The following GCKR variants were observed in gnomAD, a reference collection of about 807,000 sequenced individuals.
GCKR encodes glucokinase regulatory protein.
Under a neutral mutation model 82.9 loss-of-function variants are expected in GCKR, and 73 were observed. The ratio of observed to expected loss-of-function variants is 0.88; its 90% CI spans 0.73 to 1.07. The LOEUF is 1.07. GCKR is among the 50% of genes least tolerant of loss of function. GCKR has a pLI of 0.00. For missense variants in GCKR, 784 were observed against 782.1 expected (o/e 1.00, Z -0.03); for synonymous variants, 294 against 291.8 (o/e 1.01, Z -0.08).
At chr2:27,520,948 G>A (rs1670136870) in intron 17 of GCKR, among the ~76,000 whole-genome samples, 1 of 152,128 alleles carries the variant, frequency 6.6e-6, no homozygotes, top group African/African-American at 2.4e-5. Flanking sequence ...GGAGGCTGAG[G>A]CAGGAGAATA....
rs748570972 is a variant in GCKR, at chr2:27,503,623, G to A, written c.750+4G>A. 1 of 1,515,868 alleles carries A rather than the reference G, an allele frequency of 6.6e-7. No homozygotes were observed. Among genetic ancestry groups the A allele is most frequent in the Non-Finnish European group, 9.2e-7 (1 of 1,090,330 alleles). 93.9% of individuals were successfully genotyped at this position (1,515,868 alleles called of 1,614,324 possible). A position where few individuals can be genotyped will look rare whatever the true frequency, so the allele number is the denominator to read the frequency against. ...TGTGCTCAATCCTGCCATCGGGGTA[G>A]GGCCTCTCCTTTTTCTATGTTCTCC... On this transcript the variant is annotated splice_donor_region_variant and intron_variant, in intron 9 of 18. Transcript: ENST00000264717.
intron 16 of GCKR, among the ~76,000 whole-genome samples, chr2:27,509,362 C>G (rs1025811862): frequency 1.3e-5 from 2 of 152,182 alleles, no homozygotes; most frequent in Non-Finnish European, 2.9e-5. Context: ...TTTTTAAAGA[C>G]AAAGTCTCAC....
intron 5 of GCKR, 148 bp downstream of exon 5, chr2:27,498,945 C>A: frequency 1.4e-6 from 1 of 728,216 alleles, no homozygotes; most frequent in Non-Finnish European, 2.5e-6. Flanking sequence ...ACTTCACATA[C>A]TTATGTCGCC....
rs147103687 is a variant in GCKR at position 27,515,420 on chromosome 2, C to T, written c.1423-3368C>T. Among the ~76,000 whole-genome samples, 750 of 151,192 alleles carry T rather than the reference C, an allele frequency of 5.0e-3. 7 individuals are homozygous for T. The highest frequency in any genetic ancestry group is 0.017 in the African/African-American group (704 of 41,148). ...CCTCCCGAGTGACTGGGACTACAGG[C>T]GCTTGCCACCATGCCTAGCTAATTT... On this transcript the variant is annotated intron_variant, in intron 16 of 18. Coordinates refer to ENST00000264717, the MANE Select transcript of GCKR (RefSeq NM_001486.4).
intron 9 of GCKR, among the ~76,000 whole-genome samples, chr2:27,505,125 C>CAAAAAAAAAAAA (rs146563052): frequency 1.6e-4 from 4 of 25,436 alleles, no homozygotes; most frequent in East Asian, 1.4e-3. Flanking sequence ...GACTCCATCT[C>CAAAAAAAAAAAA]AAAAAAAAAA....
rs1669445789 is a variant in GCKR, at chr2:27,497,557, T to C, written c.217-5T>C. ...TGGCTTCTCATTCCTGCATATTCCC[T>C]ACAGAGACTCTACAGCGAATCCATT... is the stretch of plus-strand genomic sequence containing the variant. On this transcript the variant is annotated splice_region_variant and splice_polypyrimidine_tract_variant and intron_variant, in intron 2 of 18. Coordinates refer to ENST00000264717, the MANE Select transcript of GCKR (RefSeq NM_001486.4). 1.9e-6 allele frequency: 3 copies of C among 1,610,256 alleles called. No individual in the cohort carries two copies. Among genetic ancestry groups the C allele is most frequent in the East Asian group, 2.2e-5 (1 of 44,872 alleles).
intron 16 of GCKR, among the ~76,000 whole-genome samples, chr2:27,516,441 C>G (rs1045749561): frequency 3.3e-5 from 5 of 151,800 alleles, no homozygotes; most frequent in African/African-American, 1.2e-4. Context: ...CAGGCACGCG[C>G]CACTACACCA....
chr2:27,518,891 G>GAA lies in GCKR; in HGVS notation c.1526_1527insAA (p.Ile510ArgfsTer62). 1 of 1,613,598 alleles carries GAA rather than the reference G, an allele frequency of 6.2e-7. No individual in the cohort carries two copies. The highest frequency in any genetic ancestry group is 8.5e-7 in the Non-Finnish European group (1 of 1,179,712). On this transcript the variant is annotated frameshift_variant, in exon 17 of 19. Coordinates refer to ENST00000264717, the MANE Select transcript of GCKR (RefSeq NM_001486.4). LOFTEE classifies it high-confidence loss of function. ...CTACAAAACCACATGTTGGACCTTC[G>GAA]GATTAGCAACTCCAAGCTCTTCTGG...
At chr2:27,501,273 G>A in intron 8 of GCKR, 44 bp downstream of exon 8, 1 of 1,239,664 alleles carries the variant, frequency 8.1e-7, no homozygotes, top group Non-Finnish European at 1.2e-6. Context: ...GCAGGCTGGA[G>A]GGGAACATGT....
intron 6 of GCKR, 26 bp downstream of exon 6, chr2:27,499,234 C>T (rs1669509578): frequency 1.9e-6 from 3 of 1,540,278 alleles, no homozygotes; most frequent in Non-Finnish European, 2.7e-6. Flanking sequence ...TGACATTGAC[C>T]AGAGACCTCT....
chr2:27,498,182 C>A, intron 3 of GCKR, 73 bp from the exon 4 acceptor site: 1 of 1,168,506 alleles, frequency 8.6e-7, no homozygotes, highest in Non-Finnish European at 1.3e-6. Context: ...TCTTGCATTA[C>A]TGACAAAGAA....
chr2:27,518,662 A>G (rs932611811), intron 16 of GCKR, 126 bp from the exon 17 acceptor site: 16 of 816,748 alleles, frequency 2.0e-5, no homozygotes, highest in Non-Finnish European at 3.5e-5. Context: ...TGCTCAAACA[A>G]ATCATGTTTG....
At chr2:27,506,921 C>T in intron 12 of GCKR, 36 bp downstream of exon 12, 2 of 1,344,458 alleles carry the variant, frequency 1.5e-6, no homozygotes, top group Non-Finnish European at 2.1e-6. Context: ...CCTGCTTCCT[C>T]CTGATCCCAA....
In GCKR at chr2:27,501,145, T is replaced by C. The variant is rs1296008669; in HGVS notation, c.560T>C (p.Val187Ala). The change falls in exon 8 of 19, where the codon GTG (valine) becomes GCG (alanine). Residue 187 changes from valine (V) to alanine (A), a missense_variant. Transcript: ENST00000264717. ...GISVGLSAPF[V>A]AGQMDCCMNN... ...TCTCTTCACCATCAGGCTCCCTTTGTGGCAGGCCAGATGGACTGCTGCATG... is the reference window on the plus strand; with the variant it reads ...TCTCTTCACCATCAGGCTCCCTTTGCGGCAGGCCAGATGGACTGCTGCATG... 6.2e-7 allele frequency: 1 copy of C among 1,612,458 alleles called. No homozygotes were observed. Among genetic ancestry groups the C allele is most frequent in the African/African-American group, 1.3e-5 (1 of 75,038 alleles).
rs745900416 is a variant in GCKR, at chr2:27,498,285, G to A, written c.316G>A (p.Gly106Arg). 14 of 1,613,668 alleles carry A rather than the reference G, an allele frequency of 8.7e-6. No homozygotes were observed. Among genetic ancestry groups the A allele is most frequent in the Middle Eastern group, 1.6e-4 (1 of 6,084 alleles). Residue 106 changes from glycine to arginine, a missense_variant, in exon 4 of 19, where the codon GGA (glycine) becomes AGA (arginine). Gly to Arg is a moderately radical substitution (Grantham distance 125). Coordinates refer to ENST00000264717, the MANE Select transcript of GCKR (RefSeq NM_001486.4). ...AGATGGGGGGCTGGTTGTGCTGAGT[G>A]GAGGGGGCACCTCTGGCCGGATGGC... ...EPDGGLVVLS[G>R]GGTSGRMAFL... is the part of the protein sequence containing the mutation.
intron 11 of GCKR, 38 bp downstream of exon 11, chr2:27,506,617 G>A (rs368741293): frequency 1.2e-5 from 17 of 1,370,506 alleles, no homozygotes; most frequent in Middle Eastern, 1.8e-4. Context: ...GATGTGGCCC[G>A]GATGGAGAAT....
At chr2:27,502,633 A>G (rs1391342182) in intron 8 of GCKR, among the ~76,000 whole-genome samples, 1 of 152,214 alleles carries the variant, frequency 6.6e-6, no homozygotes, top group Non-Finnish European at 1.5e-5. Context: ...AGGAAGTTTC[A>G]GAAATAGTTT....
At chr2:27,520,889 A>T (rs916086633) in intron 17 of GCKR, among the ~76,000 whole-genome samples, 3 of 151,956 alleles carry the variant, frequency 2.0e-5, no homozygotes, top group East Asian at 3.9e-4. Flanking sequence ...TAAAAAAAAT[A>T]AAAAAATAGC....
At chr2:27,513,070 T>C (rs1348268704) in intron 16 of GCKR, among the ~76,000 whole-genome samples, 2 of 152,202 alleles carry the variant, frequency 1.3e-5, no homozygotes, top group Non-Finnish European at 2.9e-5. Flanking sequence ...GGATGGTGTC[T>C]GTTAGATTTC....
Sources: allele counts gnomAD v4.1 joint callset (sites outside exome capture counted in the v4.1 genomes callset), GRCh38; gene constraint gnomAD v4.1.1; transcripts MANE v1.5; gene names NCBI Gene and HGNC (gene_info 2026-07-23, HGNC 2026-07-21).